SLC17A3: variants seen among roughly 807,000 people sequenced by gnomAD.
SLC17A3 encodes the protein solute carrier family 17 member 3.
In SLC17A3, 61 loss-of-function variants were observed where a neutral mutation model predicts 60.3. That is an observed-to-expected ratio of 1.01 (90% confidence interval 0.82 to 1.25). The LOEUF (loss-of-function observed/expected upper bound fraction) is 1.25. Among genes scored for constraint, SLC17A3 ranks in the 50% most tolerant of loss-of-function variants. The pLI is 0.00. For synonymous variants in SLC17A3, 192 were observed against 208.9 expected, an observed-to-expected ratio of 0.92 and a Z score of 0.70; for missense variants, 624 against 594.9, an observed-to-expected ratio of 1.05 and a Z score of -0.51.
intron 1 of SLC17A3, 90 bp from the exon 2 acceptor site, chr6:25,868,510 A>AT: frequency 4.7e-6 from 4 of 856,624 alleles, no homozygotes; most frequent in Non-Finnish European, 1.9e-6. Context: ...AGGAAAAAAA[A>AT]GCTGGCCCAT....
chr6:25,855,003 A>G (rs1439448215), intron 6 of SLC17A3, 141 bp downstream of exon 6: 1 of 679,102 alleles, frequency 1.5e-6, no homozygotes, highest in Non-Finnish European at 2.6e-6. Context: ...TTGACTAATT[A>G]TTCCCTTAGA....
Position 25,849,863 on chromosome 6 carries a change from C to T in SLC17A3, c.1213G>A (p.Gly405Arg), listed in dbSNP as rs145343915. Residue 405 changes from glycine (G) to arginine (R), a missense_variant, in exon 10 of 13, where the codon GGA becomes AGA. Gly to Arg is a moderately radical substitution (Grantham distance 125, BLOSUM62 -2). Transcript: ENST00000397060. ...CCTGACTGACACAATGTGCTTAATC[C>T]GCAAGAGAGCGTCAGCAAGGCAGTT... ...TATALLTLSC[G>R]LSTLCQSGIY... 8.3e-5 allele frequency: 134 copies of T among 1,613,910 alleles called. 1 individual carries two copies. Among genetic ancestry groups the T allele is most frequent in the Admixed American group, 4.8e-4 (29 of 60,016 alleles).
intron 5 of SLC17A3, among the ~76,000 whole-genome samples, chr6:25,857,855 C>A (rs771436148): frequency 2.0e-5 from 3 of 152,180 alleles, no homozygotes; most frequent in Non-Finnish European, 4.4e-5. Flanking sequence ...TGCATTGCAT[C>A]CATCCAAAGC....
chr6:25,861,673 C>A lies in SLC17A3; in HGVS notation c.576G>T (p.Lys192Asn). The change falls in exon 5 of 13, where the codon AAG (lysine) becomes AAT (asparagine). Residue 192 changes from lysine (K) to asparagine (N), a missense_variant. Lys to Asn is a moderately conservative substitution (Grantham distance 94). Coordinates refer to ENST00000397060, the MANE Select transcript of SLC17A3 (RefSeq NM_001098486.2). Reference sequence around the variant, plus strand: ...TGCTTCGTTCTTGTGGAGGGCCCCACTTTTCCCAAATTGCAAACTGACCCC... The same window carrying A: ...TGCTTCGTTCTTGTGGAGGGCCCCAATTTTCCCAAATTGCAAACTGACCCC... ...ILGGQFAIWEKWGPPQERSRL... is the reference protein window; with the variant it reads ...ILGGQFAIWENWGPPQERSRL... The A allele has an allele frequency of 6.2e-7, 1 of 1,614,022 alleles. No homozygotes were observed. The highest frequency in any genetic ancestry group is 8.5e-7 in the Non-Finnish European group (1 of 1,179,922).
intron 11 of SLC17A3, among the ~76,000 whole-genome samples, chr6:25,846,650 G>A (rs1011361253): frequency 1.1e-4 from 17 of 151,954 alleles, no homozygotes; most frequent in South Asian, 1.0e-3. Flanking sequence ...TCACTTTGTC[G>A]CCCAGGCTGG....
intron 5 of SLC17A3, among the ~76,000 whole-genome samples, chr6:25,859,421 A>G (rs1004808103): frequency 1.3e-5 from 2 of 152,174 alleles, no homozygotes. Flanking sequence ...TTTAGAGCAC[A>G]GAAACTGATA....
chr6:25,861,107 A>G (rs924502668), intron 5 of SLC17A3, among the ~76,000 whole-genome samples: 13 of 152,216 alleles, frequency 8.5e-5, no homozygotes, highest in Non-Finnish European at 1.8e-4. Context: ...CTTCCCCAGT[A>G]TAACTTAGAC....
In SLC17A3 at chr6:25,852,326, C is replaced by T. The variant is rs1581522370; in HGVS notation, c.713-1449G>A. 2.6e-5 allele frequency among the ~76,000 whole-genome samples: 4 copies of T among 152,096 alleles called. 1 individual carries two copies. In the South Asian group the frequency reaches 8.3e-4, roughly 32 times the overall value. ...TTAGAATGTAACTTGATGTAGTTTT[C>T]TTCATGTTTCTTGGGCTTGAGGTTC... On this transcript the variant is annotated intron_variant, in intron 6 of 12. Coordinates refer to ENST00000397060, the MANE Select transcript of SLC17A3 (RefSeq NM_001098486.2).
chr6:25,850,853 A>AG lies in SLC17A3; in HGVS notation c.736dup (p.Leu246ProfsTer9). The AG allele has an allele frequency of 3.1e-6, 5 of 1,614,118 alleles. No homozygotes were observed. Among genetic ancestry groups the AG allele is most frequent in the Non-Finnish European group, 4.2e-6 (5 of 1,179,944 alleles). ...ATCATAAATCACAACAAACCAGAGA[A>AG]GGCAGCAGACACAGCCAACACCTCC... On this transcript the variant is annotated frameshift_variant, in exon 7 of 13. Transcript: ENST00000397060. LOFTEE classifies it high-confidence loss of function.
In SLC17A3 at chr6:25,863,835, T is replaced by G. The variant is rs1297263689; in HGVS notation, c.92-1391A>C. ...CGTCCTCCAGTCCAGATTTGACATCTTCAATCAATCATCGAACAAAACACT... is the reference window on the plus strand; with the variant it reads ...CGTCCTCCAGTCCAGATTTGACATCGTCAATCAATCATCGAACAAAACACT... On this transcript the variant is annotated intron_variant, in intron 2 of 12. Transcript: ENST00000397060. Among the ~76,000 whole-genome samples the G allele has an allele frequency of 2.6e-5, 4 of 152,078 alleles. No individual in the cohort carries two copies. The South Asian group carries it at 8.3e-4, about 31-fold the overall frequency.
chr6:25,854,698 T>A (rs1765331191), intron 6 of SLC17A3, among the ~76,000 whole-genome samples: 1 of 152,058 alleles, frequency 6.6e-6, no homozygotes, highest in South Asian at 2.1e-4. Context: ...GCAAAATTCA[T>A]CCTCTTGGTG....
Position 25,862,251 on chromosome 6 carries a change from T to G in SLC17A3, c.285A>C (p.Pro95=). 10 of 1,613,494 alleles carry G rather than the reference T, an allele frequency of 6.2e-6. No individual in the cohort carries two copies. Among genetic ancestry groups the G allele is most frequent in the Non-Finnish European group, 8.5e-6 (10 of 1,179,506 alleles). The change falls in exon 3 of 13, where the codon CCA becomes CCC. Residue 95 remains proline, a synonymous_variant. Coordinates refer to ENST00000397060, the MANE Select transcript of SLC17A3 (RefSeq NM_001098486.2). ...VDSFGGLSKA[P]KSLPAKAPVY... ...TGCTTACCTTTGCAGGAAGACTCTTTGGGGCTTTACTTAGGCCACCAAATG... is the reference window on the plus strand; with the variant it reads ...TGCTTACCTTTGCAGGAAGACTCTTGGGGGCTTTACTTAGGCCACCAAATG...
In SLC17A3 at chr6:25,850,238, G is replaced by A. The variant is rs1229876590; in HGVS notation, c.994-61C>T. 3 of 1,524,282 alleles carry A rather than the reference G, an allele frequency of 2.0e-6. No individual in the cohort carries two copies. The East Asian group carries it at 7.1e-5, about 36-fold the overall frequency. The allele number at this position is 1,524,282 out of a possible 1,614,324, so 94.4% of individuals were successfully genotyped here. On this transcript the variant is annotated intron_variant, in intron 8 of 12. Transcript: ENST00000397060. ...AGGCAGTGAGACCACAACTTTTGTTGATAAATTACTACTAATAATAATGAC... is the reference window on the plus strand; with the variant it reads ...AGGCAGTGAGACCACAACTTTTGTTAATAAATTACTACTAATAATAATGAC...
chr6:25,849,920 G>A lies in SLC17A3; in HGVS notation c.1156C>T (p.Leu386=), dbSNP rs199767777. ...ATATAGCCGGAATTGAGGTAAGGCA[G>A]AGACACAATGAGTGCTGAAGAGGGG... ...SLPSSALIVS[L]PYLNSGYITA... The change falls in exon 10 of 13, where the codon CTG becomes TTG. Residue 386 remains leucine (L), a synonymous_variant. Coordinates refer to ENST00000397060, the MANE Select transcript of SLC17A3 (RefSeq NM_001098486.2). The A allele has an allele frequency of 5.0e-6, 8 of 1,614,096 alleles. No individual in the cohort carries two copies. Among genetic ancestry groups the A allele is most frequent in the Middle Eastern group, 3.3e-4 (2 of 6,062 alleles).
chr6:25,855,165 G>A lies in SLC17A3; in HGVS notation c.691C>T (p.Pro231Ser). The change falls in exon 6 of 13, where the codon CCC (proline) becomes TCC (serine). Residue 231 changes from proline (P) to serine (S), a missense_variant. Physicochemically the swap from Pro to Ser is moderately conservative, Grantham distance 74 (BLOSUM62 -1). Coordinates refer to ENST00000397060, the MANE Select transcript of SLC17A3 (RefSeq NM_001098486.2). Reference protein sequence around the residue: ...GGFISETLGWPFVFYIFGGVG... With the variant: ...GGFISETLGWSFVFYIFGGVG... ...TTACCAAAGATATAGAAGACAAAGG[G>A]CCACCCAAGGGTTTCACTAATGAAG... The A allele has an allele frequency of 6.2e-7, 1 of 1,612,748 alleles. No homozygotes were observed. The highest frequency in any genetic ancestry group is 8.5e-7 in the Non-Finnish European group (1 of 1,178,952).
At chr6:25,872,945 C>T (rs189299943) in intron 1 of SLC17A3, among the ~76,000 whole-genome samples, 2 of 152,122 alleles carry the variant, frequency 1.3e-5, no homozygotes, top group East Asian at 3.9e-4. Flanking sequence ...CTAAGTGAAC[C>T]AGGATGTCAC....
At chr6:25,864,636 G>A (rs958214570) in intron 2 of SLC17A3, among the ~76,000 whole-genome samples, 1 of 151,940 alleles carries the variant, frequency 6.6e-6, no homozygotes, top group Non-Finnish European at 1.5e-5. Flanking sequence ...TTCTTGGAAG[G>A]AGCAGGTTTG....
intron 2 of SLC17A3, among the ~76,000 whole-genome samples, chr6:25,864,391 G>A (rs1765502177): frequency 6.6e-6 from 1 of 151,992 alleles, no homozygotes; most frequent in Non-Finnish European, 1.5e-5. Flanking sequence ...ACGATAGGGA[G>A]GAAGTACAGT....
intron 3 of SLC17A3, 39 bp from the exon 4 acceptor site, chr6:25,862,068 A>G (rs1158461166): frequency 5.3e-6 from 8 of 1,513,606 alleles, no homozygotes; most frequent in Non-Finnish European, 7.2e-6. Flanking sequence ...ACCTTACACA[A>G]AAAGGTTCTT....
Sources: allele counts gnomAD v4.1 joint callset (sites outside exome capture counted in the v4.1 genomes callset), GRCh38; gene constraint gnomAD v4.1.1; transcripts MANE v1.5; gene names NCBI Gene and HGNC (gene_info 2026-07-23, HGNC 2026-07-21).